The following LUZP2 variants were observed in gnomAD, a reference collection of about 807,000 sequenced individuals.
The protein encoded by LUZP2 is leucine zipper protein 2.
Under a neutral mutation model 51.6 loss-of-function variants are expected in LUZP2, and 52 were observed. That is an observed-to-expected ratio of 1.01 (90% CI 0.81 to 1.27). The LOEUF (loss-of-function observed/expected upper bound fraction) is 1.27, where lower values mean the gene tolerates loss of function less well. LUZP2 is among the 50% of genes most tolerant of loss of function. The probability of loss-of-function intolerance (pLI) is 0.00; values close to 1 mark genes in which losing one functional copy is unlikely to be tolerated. For synonymous variants in LUZP2, 154 were observed against 137.3 expected (o/e 1.12, Z -0.85); for missense variants, 436 against 395.4 (o/e 1.10, Z -0.87).
intron 5 of LUZP2, among the ~76,000 whole-genome samples, chr11:24,894,282 C>A (rs1852960476): frequency 6.7e-6 from 1 of 149,512 alleles, no homozygotes; most frequent in African/African-American, 2.5e-5. Context: ...TCAAGCAATT[C>A]TCCTTCCTCA....
In LUZP2 at chr11:24,947,023, A is replaced by T. The variant is rs186466321; in HGVS notation, c.523-29568A>T. ...GAACAATGTGGAAGTTAGGGGCACCAACCCCATGGATGGCCAAAAATCCGC... is the reference window on the plus strand; with the variant it reads ...GAACAATGTGGAAGTTAGGGGCACCTACCCCATGGATGGCCAAAAATCCGC... On this transcript the variant is annotated intron_variant, in intron 7 of 11. Coordinates refer to ENST00000336930, the MANE Select transcript of LUZP2 (RefSeq NM_001009909.4). 3.3e-5 allele frequency among the ~76,000 whole-genome samples: 5 copies of T among 152,088 alleles called. No homozygotes were observed. The East Asian group carries it at 9.7e-4, about 29-fold the overall frequency.
chr11:24,523,298 T>G (rs1050125651), intron 1 of LUZP2, among the ~76,000 whole-genome samples: 1 of 151,810 alleles, frequency 6.6e-6, no homozygotes, highest in African/African-American at 2.4e-5. Flanking sequence ...TATTTAAAGT[T>G]TAATGTTAAA....
At chr11:24,933,955 A>G (rs1280953659) in intron 7 of LUZP2, among the ~76,000 whole-genome samples, 1 of 152,130 alleles carries the variant, frequency 6.6e-6, no homozygotes, top group African/African-American at 2.4e-5. Flanking sequence ...GTACCTTCTT[A>G]AGGGCAAGGG....
At chr11:24,896,067 G>T (rs1458834680) in intron 5 of LUZP2, among the ~76,000 whole-genome samples, 1 of 152,190 alleles carries the variant, frequency 6.6e-6, no homozygotes, top group Admixed American at 6.5e-5. Flanking sequence ...TTGTGATTTT[G>T]ATTTGCATTT....
chr11:24,762,204 A>G (rs1234581220), intron 4 of LUZP2, among the ~76,000 whole-genome samples: 1 of 152,070 alleles, frequency 6.6e-6, no homozygotes, highest in African/African-American at 2.4e-5. Context: ...CAACCCAATG[A>G]CTCAGTCTAT....
At chr11:24,812,714 T>TTTTG (rs554718597) in intron 5 of LUZP2, among the ~76,000 whole-genome samples, 2,426 of 152,278 alleles carry the variant, frequency 0.016, 26 homozygotes, top group Non-Finnish European at 0.025. Context: ...GCTCTGTGTT[T>TTTTG]TTTGTTTGTT....
chr11:24,949,331 T>G (rs1306629690), intron 7 of LUZP2, among the ~76,000 whole-genome samples: 3 of 35,862 alleles, frequency 8.4e-5, no homozygotes, highest in Non-Finnish European at 1.9e-4. Context: ...TATCTATCTA[T>G]CTCTCTATCT....
intron 7 of LUZP2, among the ~76,000 whole-genome samples, chr11:24,935,486 C>G (rs1854562101): frequency 6.6e-6 from 1 of 152,084 alleles, no homozygotes; most frequent in Non-Finnish European, 1.5e-5. Flanking sequence ...TAATTCTGAT[C>G]AGATGACATT....
rs2134065433 is a variant in LUZP2, at chr11:25,078,641, G to A, written c.1024G>A (p.Glu342Lys). Reference protein sequence around the residue: ...LTSFEGMAAREEKIL With the variant: ...LTSFEGMAARKEKIL ...CAGCTTTGAAGGGATGGCAGCTAGAGAAGAAAAAATACTGTAAATACTAAG... is the reference window on the plus strand; with the variant it reads ...CAGCTTTGAAGGGATGGCAGCTAGAAAAGAAAAAATACTGTAAATACTAAG... Residue 342 changes from glutamate (E) to lysine (K), a missense_variant, in exon 12 of 12, where the codon GAA becomes AAA. Coordinates refer to ENST00000336930, the MANE Select transcript of LUZP2 (RefSeq NM_001009909.4). 1 of 1,605,830 alleles carries A rather than the reference G, an allele frequency of 6.2e-7. No individual in the cohort carries two copies. The highest frequency in any genetic ancestry group is 8.5e-7 in the Non-Finnish European group (1 of 1,177,850).
At chr11:24,997,129 T>C (rs1856528106) in intron 9 of LUZP2, among the ~76,000 whole-genome samples, 1 of 150,608 alleles carries the variant, frequency 6.6e-6, no homozygotes, top group East Asian at 2.0e-4. Context: ...TTTGGGTATA[T>C]ACCCAGTAAT....
At chr11:24,986,070 C>T (rs1420716359) in intron 9 of LUZP2, among the ~76,000 whole-genome samples, 2 of 151,616 alleles carry the variant, frequency 1.3e-5, no homozygotes, top group African/African-American at 4.8e-5. Context: ...AAGCTGAGAG[C>T]CATGACTTTT....
intron 9 of LUZP2, among the ~76,000 whole-genome samples, chr11:25,019,735 G>T (rs1857274803): frequency 6.6e-6 from 1 of 152,048 alleles, no homozygotes; most frequent in Non-Finnish European, 1.5e-5. Context: ...TTGAGCTTAA[G>T]ATTTTATCAT....
chr11:25,062,782 A>G (rs1318115073), intron 10 of LUZP2, among the ~76,000 whole-genome samples: 3 of 151,232 alleles, frequency 2.0e-5, no homozygotes, highest in African/African-American at 7.3e-5. Context: ...AATATTATCT[A>G]TATAATTTCA....
intron 6 of LUZP2, among the ~76,000 whole-genome samples, chr11:24,910,985 G>A (rs565739185): frequency 5.3e-5 from 8 of 152,256 alleles, no homozygotes; most frequent in South Asian, 2.1e-4. Context: ...AGTCCACCTC[G>A]TATATCAGCA....
intron 9 of LUZP2, among the ~76,000 whole-genome samples, chr11:24,999,937 G>A (rs376064624): frequency 1.6e-4 from 24 of 152,056 alleles, no homozygotes; most frequent in African/African-American, 5.3e-4. Flanking sequence ...TCCACAGTGT[G>A]GAAGGGGACC....
chr11:24,764,831 T>C (rs2134036865), intron 5 of LUZP2, among the ~76,000 whole-genome samples: 1 of 152,122 alleles, frequency 6.6e-6, no homozygotes, highest in African/African-American at 2.4e-5. Flanking sequence ...CTCTACCAAA[T>C]AAATAAATAA....
At chr11:24,550,993 C>T (rs2036750) in intron 1 of LUZP2, among the ~76,000 whole-genome samples, 86,902 of 151,844 alleles carry the variant, frequency 0.57, 25,349 homozygotes, top group East Asian at 0.71. Context: ...ACTTTAATTA[C>T]AGAATAACAG....
In LUZP2 at chr11:24,914,478, A is replaced by G. The variant is rs140841896; in HGVS notation, c.462A>G (p.Ser154=). 2.3e-5 allele frequency: 36 copies of G among 1,583,966 alleles called. No individual in the cohort carries two copies. Among genetic ancestry groups the G allele is most frequent in the Non-Finnish European group, 2.8e-5 (33 of 1,161,136 alleles). ...NKLCGIHAEE[S]KKIQAQLKEL... ...TTATCCATGTTTTTGCCTTACAGTC[A>G]AAAAAAATCCAAGCCCAGCTGAAGG... Residue 154 remains serine, a splice_region_variant and synonymous_variant, in exon 7 of 12, where the codon TCA becomes TCG. Transcript: ENST00000336930.
chr11:25,051,586 A>C (rs1858516573), intron 10 of LUZP2, among the ~76,000 whole-genome samples: 1 of 152,156 alleles, frequency 6.6e-6, no homozygotes, highest in Admixed American at 6.5e-5. Context: ...TGGCTAAAAA[A>C]CAGTACACAA....
Sources: allele counts gnomAD v4.1 joint callset (sites outside exome capture counted in the v4.1 genomes callset), GRCh38; gene constraint gnomAD v4.1.1; transcripts MANE v1.5; gene names NCBI Gene and HGNC (gene_info 2026-07-23, HGNC 2026-07-21).